MECOM: variants seen among roughly 807,000 people sequenced by gnomAD.
MECOM encodes the protein histone-lysine N-methyltransferase MECOM.
Under a neutral mutation model 116.3 loss-of-function variants are expected in MECOM, and 13 were observed. The ratio of observed to expected loss-of-function variants is 0.11; its 90% CI spans 0.07 to 0.18. The LOEUF (loss-of-function observed/expected upper bound fraction) is 0.18. MECOM is among the 10% of genes least tolerant of loss of function. MECOM has a pLI of 1.00. For synonymous variants in MECOM, 528 were observed against 535.2 expected, an observed-to-expected ratio of 0.99 and a Z score of 0.19; for missense variants, 1,299 against 1,509.0, an observed-to-expected ratio of 0.86 and a Z score of 2.31.
intron 1 of MECOM, among the ~76,000 whole-genome samples, chr3:169,584,287 C>T (rs970094313): frequency 5.3e-5 from 8 of 151,940 alleles, no homozygotes; most frequent in East Asian, 1.9e-4. Context: ...GAAGAAAGGC[C>T]GGGCGCGGGG....
At chr3:169,284,619 A>G (rs1164739704) in intron 2 of MECOM, among the ~76,000 whole-genome samples, 1 of 152,094 alleles carries the variant, frequency 6.6e-6, no homozygotes, top group Non-Finnish European at 1.5e-5. Context: ...ACAAATGTAT[A>G]GATAAATATC....
At chr3:169,653,867 A>T (rs1775215368) in intron 1 of MECOM, among the ~76,000 whole-genome samples, 2 of 152,158 alleles carry the variant, frequency 1.3e-5, no homozygotes, top group African/African-American at 4.8e-5. Context: ...TGGAGCCAGG[A>T]TTCAAACCCA....
chr3:169,525,837 T>G (rs1005713603), intron 1 of MECOM, among the ~76,000 whole-genome samples: 6 of 152,144 alleles, frequency 3.9e-5, no homozygotes, highest in Non-Finnish European at 8.8e-5. Context: ...GAGACCAGCC[T>G]GGCCAACATG....
intron 1 of MECOM, among the ~76,000 whole-genome samples, chr3:169,390,368 A>C (rs1315991771): frequency 6.6e-6 from 1 of 152,180 alleles, no homozygotes; most frequent in African/African-American, 2.4e-5. Context: ...TAACCAGTGA[A>C]ACTGGAATTT....
chr3:169,137,700 AT>A (rs1736784606), intron 3 of MECOM, among the ~76,000 whole-genome samples: 1 of 152,078 alleles, frequency 6.6e-6, no homozygotes, highest in Non-Finnish European at 1.5e-5. Flanking sequence ...TTGGTGTGGA[AT>A]TTTTTTCTTC....
At position 169,663,479 on chromosome 3, in the gene MECOM, T is replaced by TC. The variant is rs1560553934; in HGVS notation, c.-108dup. On this transcript the variant is annotated 5_prime_UTR_variant, in exon 1 of 17. Transcript: ENST00000651503. ...GCTCCCTCCCTCTCTCTCCTGTCTC[T>TC]CTCTCTCTCTCTCTCTCTCTCTCTC... 1 of 38,758 alleles carries TC rather than the reference T, an allele frequency of 2.6e-5. No individual in the cohort carries two copies. 2.4% of individuals were successfully genotyped at this position (38,758 alleles called of 1,614,324 possible).
chr3:169,258,229 A>G (rs1041306664), intron 2 of MECOM, among the ~76,000 whole-genome samples: 1 of 150,224 alleles, frequency 6.7e-6, no homozygotes, highest in Non-Finnish European at 1.5e-5. Context: ...CAAAAAAAGG[A>G]AAAGAAAGAA....
chr3:169,194,551 C>A (rs1339815382), intron 2 of MECOM, among the ~76,000 whole-genome samples: 1 of 152,014 alleles, frequency 6.6e-6, no homozygotes, highest in East Asian at 1.9e-4. Context: ...CAATAACAAT[C>A]ATATAGGCAT....
chr3:169,339,343 GA>G (rs527680141), intron 2 of MECOM, among the ~76,000 whole-genome samples: 247 of 152,354 alleles, frequency 1.6e-3, no homozygotes, highest in African/African-American at 5.4e-3. Flanking sequence ...GAAACTCGGG[GA>G]TGGGGCACAG....
intron 2 of MECOM, among the ~76,000 whole-genome samples, chr3:169,148,470 G>A (rs781014945): frequency 9.9e-5 from 15 of 152,162 alleles, no homozygotes; most frequent in Non-Finnish European, 1.9e-4. Context: ...TTTATTCATG[G>A]CCAACTTTGT....
intron 1 of MECOM, among the ~76,000 whole-genome samples, chr3:169,545,956 A>G (rs540483548): frequency 6.6e-6 from 1 of 152,270 alleles, no homozygotes; most frequent in African/African-American, 2.4e-5. Context: ...TATGAAAACC[A>G]AAATTCTTCC....
At chr3:169,407,098 C>T (rs1429183250) in intron 1 of MECOM, among the ~76,000 whole-genome samples, 1 of 152,074 alleles carries the variant, frequency 6.6e-6, no homozygotes, top group Non-Finnish European at 1.5e-5. Flanking sequence ...CCACCCACCT[C>T]GGCCTCCCAA....
chr3:169,302,672 T>G (rs1019087287), intron 2 of MECOM, among the ~76,000 whole-genome samples: 1 of 152,110 alleles, frequency 6.6e-6, no homozygotes, highest in Non-Finnish European at 1.5e-5. Context: ...AAGACCAGCC[T>G]GGCCAACATG....
rs1776607160 is a variant in MECOM, at chr3:169,663,507, TCTCTCTCTCTCTC to T, written c.-148_-136del. On this transcript the variant is annotated 5_prime_UTR_variant, in exon 1 of 17. Coordinates refer to ENST00000651503, the MANE Select transcript of MECOM (RefSeq NM_004991.4). ...CTCTCTCTCTCTCTCTCTCTCTCTC[TCTCTCTCTCTCTC>T]TCTCTCTCTCCCTCCCTCCTGTTTC... The T allele has an allele frequency of 1.5e-6, 1 of 672,470 alleles. No homozygotes were observed. Among genetic ancestry groups the T allele is most frequent in the Non-Finnish European group, 2.6e-6 (1 of 381,304 alleles). The allele number at this position is 672,470 out of a possible 1,614,324, so 41.7% of individuals were successfully genotyped here. A position where few individuals can be genotyped will look rare whatever the true frequency, so the allele number is the denominator to read the frequency against.
intron 2 of MECOM, among the ~76,000 whole-genome samples, chr3:169,232,051 C>A (rs962312263): frequency 3.9e-5 from 6 of 152,046 alleles, no homozygotes; most frequent in African/African-American, 1.4e-4. Context: ...ACCCATTGCC[C>A]CACCCCAATG....
At chr3:169,200,761 T>C (rs1749037492) in intron 2 of MECOM, among the ~76,000 whole-genome samples, 1 of 152,090 alleles carries the variant, frequency 6.6e-6, no homozygotes, top group Non-Finnish European at 1.5e-5. Flanking sequence ...TGCCCGGGAC[T>C]GAGCTTCTCT....
At chr3:169,395,878 C>A (rs1486147342) in intron 1 of MECOM, among the ~76,000 whole-genome samples, 1 of 152,102 alleles carries the variant, frequency 6.6e-6, no homozygotes, top group East Asian at 1.9e-4. Flanking sequence ...GGTGCCTTTG[C>A]AGCACCAAGC....
intron 15 of MECOM, 75 bp downstream of exon 15, chr3:169,089,925 G>A: frequency 6.6e-7 from 1 of 1,517,232 alleles, no homozygotes; most frequent in South Asian, 1.4e-5. Context: ...CTCACAAATT[G>A]CTTATCACAG....
At chr3:169,614,382 C>A (rs1330438583) in intron 1 of MECOM, among the ~76,000 whole-genome samples, 3 of 152,028 alleles carry the variant, frequency 2.0e-5, no homozygotes, top group Non-Finnish European at 4.4e-5. Context: ...CATGCATATA[C>A]ACCACTGGAT....
Sources: gnomAD v4.1 joint callset for allele counts (sites outside exome capture counted in the v4.1 genomes callset) on GRCh38, gnomAD v4.1.1 for gene constraint, MANE v1.5 for transcripts, NCBI Gene and HGNC (gene_info 2026-07-23, HGNC 2026-07-21) for gene names.